CERT1: variants seen among roughly 807,000 people sequenced by gnomAD.
CERT1 encodes ceramide transfer protein.
In CERT1, 31 loss-of-function variants were observed where a neutral mutation model predicts 87.9. The ratio of observed to expected loss-of-function variants is 0.35; its 90% CI spans 0.27 to 0.48. CERT1 has a LOEUF of 0.48. Among genes scored for constraint, CERT1 ranks in the 20% least tolerant of loss-of-function variants. The pLI is 0.99. For synonymous variants in CERT1, 289 were observed against 250.9 expected (o/e 1.15, Z -1.44); for missense variants, 487 against 758.0 (o/e 0.64, Z 4.20).
chr5:75,481,071 G>C (rs913889464), intron 2 of CERT1, among the ~76,000 whole-genome samples: 2 of 152,130 alleles, frequency 1.3e-5, no homozygotes, highest in Non-Finnish European at 2.9e-5. Context: ...ATCTCGCTCA[G>C]CATTAAAGTC....
chr5:75,471,772 A>G (rs955113106), intron 2 of CERT1, among the ~76,000 whole-genome samples: 24 of 151,564 alleles, frequency 1.6e-4, no homozygotes, highest in South Asian at 4.2e-4. Flanking sequence ...AAAAAAAAAA[A>G]AAAGAAAAGG....
chr5:75,376,036 C>T (rs1366216806), downstream of CERT1: 1 of 151,998 alleles, frequency 6.6e-6, no homozygotes, highest in Non-Finnish European at 1.5e-5. Context: ...ACCTCTCTTC[C>T]CCAGAGATGA....
In CERT1 at chr5:75,402,959, AT is replaced by A. The variant is rs776507149; in HGVS notation, c.1017+12del. On this transcript the variant is annotated intron_variant, in intron 9 of 16. Coordinates refer to ENST00000643780, the MANE Select transcript of CERT1 (RefSeq NM_001379029.1). Reference sequence around the variant, plus strand: ...AATAAATTTCAGCTTAGAATTTTCAATAATAGATATACCTGTTCTTCTATTT... The same window carrying A: ...AATAAATTTCAGCTTAGAATTTTCAAAATAGATATACCTGTTCTTCTATTT... 7.1e-6 allele frequency: 11 copies of A among 1,539,490 alleles called. No homozygotes were observed. The highest frequency in any genetic ancestry group is 9.9e-6 in the Non-Finnish European group (11 of 1,114,800).
rs1024598430 is a variant in CERT1 at position 75,419,534 on chromosome 5, T to A, written c.596-110A>T. On this transcript the variant is annotated intron_variant, in intron 5 of 16. Coordinates refer to ENST00000643780, the MANE Select transcript of CERT1 (RefSeq NM_001379029.1). The stretch of plus-strand genomic sequence containing the variant: ...CTGGATTCTGATTCTGAGTATGAAG[T>A]CTTACTCATCTTTGTATTTTCACTG... 7 of 708,026 alleles carry A rather than the reference T, an allele frequency of 9.9e-6. No individual in the cohort carries two copies. In the South Asian group the frequency reaches 1.1e-4, roughly 11 times the overall value. 43.9% of individuals were successfully genotyped at this position (708,026 alleles called of 1,614,324 possible).
chr5:75,435,669 T>A (rs1764063005), intron 3 of CERT1, among the ~76,000 whole-genome samples: 1 of 152,184 alleles, frequency 6.6e-6, no homozygotes, highest in Non-Finnish European at 1.5e-5. Flanking sequence ...ATTGGTTTCG[T>A]TTCTGGACAC....
intron 16 of CERT1, among the ~76,000 whole-genome samples, chr5:75,380,593 C>T (rs1185461045): frequency 6.6e-6 from 1 of 151,836 alleles, no homozygotes. Context: ...TCAAGACCAG[C>T]CTGGCCAAGA....
At chr5:75,385,465 C>T (rs1033739080) in intron 13 of CERT1, among the ~76,000 whole-genome samples, 2 of 152,104 alleles carry the variant, frequency 1.3e-5, no homozygotes, top group Admixed American at 6.6e-5. Context: ...AAGAGCGAAA[C>T]TCTGTCTAAA....
intron 2 of CERT1, among the ~76,000 whole-genome samples, chr5:75,494,069 T>C (rs1043315218): frequency 6.6e-6 from 1 of 152,214 alleles, no homozygotes; most frequent in South Asian, 2.1e-4. Context: ...ATCTGAATAA[T>C]GTGTTTCCTA....
downstream of CERT1, chr5:75,377,247 CGTT>C (rs1761356731): frequency 2.0e-5 from 3 of 152,096 alleles, no homozygotes; most frequent in African/African-American, 7.2e-5. Flanking sequence ...TTGTTTTACA[CGTT>C]GTATGAAAAA....
Position 75,411,054 on chromosome 5 carries a change from G to C in CERT1, c.887C>G (p.Thr296Arg). 1 of 1,595,364 alleles carries C rather than the reference G, an allele frequency of 6.3e-7. No homozygotes were observed. Among genetic ancestry groups the C allele is most frequent in the African/African-American group, 1.3e-5 (1 of 74,288 alleles). ...RTEEAYKNAM[T>R]ELKKKSHFGG... is the part of the protein sequence containing the mutation. ...AAAGTGGGATTTTTTCTTAAGTTCTGTCATTGCATTTTTATATGCTTCCTC... is the reference window on the plus strand; with the variant it reads ...AAAGTGGGATTTTTTCTTAAGTTCTCTCATTGCATTTTTATATGCTTCCTC... Residue 296 changes from threonine (T) to arginine (R), a missense_variant, in exon 8 of 17, where the codon ACA becomes AGA. Around this residue, in one of 8 missense-constraint regions of CERT1, gnomAD observed 21 missense variants for 20.4 expected, o/e 1.03. Coordinates refer to ENST00000643780, the MANE Select transcript of CERT1 (RefSeq NM_001379029.1).
chr5:75,388,012 TG>T (rs967370992), intron 12 of CERT1, among the ~76,000 whole-genome samples: 1 of 152,158 alleles, frequency 6.6e-6, no homozygotes, highest in African/African-American at 2.4e-5. Flanking sequence ...CTACGGTGAC[TG>T]AACGATGACT....
chr5:75,460,056 G>C (rs1765162529), intron 2 of CERT1, among the ~76,000 whole-genome samples: 1 of 151,220 alleles, frequency 6.6e-6, no homozygotes, highest in Admixed American at 6.6e-5. Context: ...CTCCCACCTT[G>C]GCCTCTCATG....
chr5:75,458,725 T>A (rs1307012188), intron 3 of CERT1, among the ~76,000 whole-genome samples: 1 of 152,108 alleles, frequency 6.6e-6, no homozygotes, highest in African/African-American at 2.4e-5. Flanking sequence ...CTAATTTTTG[T>A]ATTTTTAGTA....
At chr5:75,391,131 AT>A in intron 11 of CERT1, among the ~76,000 whole-genome samples, 1 of 152,230 alleles carries the variant, frequency 6.6e-6, no homozygotes, top group East Asian at 1.9e-4. Flanking sequence ...CATCCAGTTA[AT>A]TTTTTGTAGA....
chr5:75,427,867 ATTTAAT>A (rs1763688617), intron 3 of CERT1, among the ~76,000 whole-genome samples: 1 of 152,220 alleles, frequency 6.6e-6, no homozygotes, highest in Admixed American at 6.5e-5. Flanking sequence ...GCTACATTGT[ATTTAAT>A]TTTAATTCTA....
chr5:75,511,971 G>A (rs1347416405), upstream of CERT1: 1 of 679,302 alleles, frequency 1.5e-6, no homozygotes, highest in African/African-American at 1.9e-5. Context: ...GTCGGTGGGT[G>A]GGCTTCGTTT....
At chr5:75,462,489 C>T (rs1184892403) in intron 2 of CERT1, among the ~76,000 whole-genome samples, 2 of 152,200 alleles carry the variant, frequency 1.3e-5, no homozygotes, top group Non-Finnish European at 1.5e-5. Context: ...GTAATGTCGG[C>T]TTGCCTGACA....
In CERT1 at chr5:75,385,146, A is replaced by G. The variant is rs575949839; in HGVS notation, c.1418-434T>C. Reference sequence around the variant, plus strand: ...ATGATGTTGAGAAGTATCTATACTTAGGAAATTTTGTGTCTAAGGGGAATA... The same window carrying G: ...ATGATGTTGAGAAGTATCTATACTTGGGAAATTTTGTGTCTAAGGGGAATA... On this transcript the variant is annotated intron_variant, in intron 13 of 16. Coordinates refer to ENST00000643780, the MANE Select transcript of CERT1 (RefSeq NM_001379029.1). Among the ~76,000 whole-genome samples the G allele has an allele frequency of 6.6e-4, 101 of 152,316 alleles. 1 individual carries two copies. The highest frequency in any genetic ancestry group is 2.4e-3 in the African/African-American group (98 of 41,566).
chr5:75,412,058 A>G (rs1301377384), intron 7 of CERT1, among the ~76,000 whole-genome samples: 1 of 152,232 alleles, frequency 6.6e-6, no homozygotes, highest in African/African-American at 2.4e-5. Flanking sequence ...CCCATATAAA[A>G]CTTATTTCCA....
Sources: gnomAD v4.1 joint callset for allele counts (sites outside exome capture counted in the v4.1 genomes callset) on GRCh38, gnomAD v4.1.1 for gene constraint, gnomAD v4.1.1 regional missense constraint, MANE v1.5 for transcripts, NCBI Gene and HGNC (gene_info 2026-07-23, HGNC 2026-07-21) for gene names.